The following GUCY1A2 variants were observed in gnomAD, a reference collection of about 807,000 sequenced individuals.
The protein encoded by GUCY1A2 is guanylate cyclase 1 soluble subunit alpha 2, also known as guanylate cyclase soluble subunit alpha-2.
In GUCY1A2, 27 loss-of-function variants were observed where a neutral mutation model predicts 63.5. The observed-to-expected ratio is 0.43, with a 90% CI of 0.31 to 0.59. The LOEUF is 0.59. Among genes scored for constraint, GUCY1A2 ranks in the 20% least tolerant of loss-of-function variants. The pLI is 0.11. For synonymous variants in GUCY1A2, 364 were observed against 343.5 expected, an observed-to-expected ratio of 1.06 and a Z score of -0.66; for missense variants, 768 against 913.3, an observed-to-expected ratio of 0.84 and a Z score of 2.05.
chr11:106,799,291 G>A (rs1231009072), intron 5 of GUCY1A2, among the ~76,000 whole-genome samples: 5 of 152,232 alleles, frequency 3.3e-5, no homozygotes, highest in Admixed American at 6.5e-5. Flanking sequence ...TGGGTAGGAC[G>A]AATCAATGTC....
chr11:106,821,637 T>C (rs537142653), intron 4 of GUCY1A2, among the ~76,000 whole-genome samples: 2 of 152,256 alleles, frequency 1.3e-5, no homozygotes, highest in South Asian at 4.1e-4. Context: ...CAAGGAAATA[T>C]TACAAAAACA....
At chr11:106,955,195 C>T (rs529885646) in intron 3 of GUCY1A2, among the ~76,000 whole-genome samples, 1 of 152,134 alleles carries the variant, frequency 6.6e-6, no homozygotes, top group Non-Finnish European at 1.5e-5. Context: ...TGGTCTTGAA[C>T]TCCCAACCTC....
chr11:106,755,266 G>A (rs1486560661), intron 6 of GUCY1A2, among the ~76,000 whole-genome samples: 1 of 151,890 alleles, frequency 6.6e-6, no homozygotes, highest in Non-Finnish European at 1.5e-5. Flanking sequence ...CTAGCAGTCT[G>A]TCTATTTTGT....
chr11:106,979,119 G>A (rs1394908041), intron 2 of GUCY1A2, among the ~76,000 whole-genome samples: 4 of 152,192 alleles, frequency 2.6e-5, no homozygotes, highest in Non-Finnish European at 5.9e-5. Flanking sequence ...GCATTCAATG[G>A]TGTTGAAAGT....
At chr11:106,826,779 C>G (rs1858976735) in intron 4 of GUCY1A2, 1 of 1,611,130 alleles carries the variant, frequency 6.2e-7, no homozygotes. Flanking sequence ...ACAGCCTCAT[C>G]TGCTGCCAGA....
Position 106,999,690 on chromosome 11 carries a change from T to G in GUCY1A2, c.304-13559A>C, listed in dbSNP as rs542517075. 3.3e-5 allele frequency among the ~76,000 whole-genome samples: 5 copies of G among 152,236 alleles called. No individual in the cohort carries two copies. In the South Asian group the frequency reaches 1.0e-3, roughly 31 times the overall value. On this transcript the variant is annotated intron_variant, in intron 1 of 7. Coordinates refer to ENST00000526355, the MANE Select transcript of GUCY1A2 (RefSeq NM_000855.3). ...CTAGTATATATTCTTTGAAAAAGTA[T>G]GTTTCTTGGGGTAACTTGTAGTACA... is the stretch of plus-strand genomic sequence containing the variant.
At chr11:106,763,338 G>C (rs551152888) in intron 6 of GUCY1A2, among the ~76,000 whole-genome samples, 1 of 151,882 alleles carries the variant, frequency 6.6e-6, no homozygotes, top group South Asian at 2.1e-4. Flanking sequence ...TCCCGAGAGT[G>C]GGGGGCAGTG....
At chr11:106,724,565 G>A (rs188901217) in intron 6 of GUCY1A2, among the ~76,000 whole-genome samples, 40 of 152,200 alleles carry the variant, frequency 2.6e-4, no homozygotes, top group Non-Finnish European at 1.3e-4. Flanking sequence ...GGGTTATCAA[G>A]GCTTTTTATT....
intron 4 of GUCY1A2, among the ~76,000 whole-genome samples, chr11:106,861,376 C>T (rs1859510169): frequency 6.6e-6 from 1 of 151,950 alleles, no homozygotes; most frequent in Non-Finnish European, 1.5e-5. Context: ...GTTGTGTGTA[C>T]TCAATAACAA....
At chr11:106,837,758 A>G (rs904847072) in intron 4 of GUCY1A2, among the ~76,000 whole-genome samples, 16 of 151,996 alleles carry the variant, frequency 1.1e-4, no homozygotes, top group Non-Finnish European at 1.9e-4. Flanking sequence ...GTATACTGAA[A>G]AATTAGTACA....
intron 4 of GUCY1A2, among the ~76,000 whole-genome samples, chr11:106,821,461 A>G (rs1308228485): frequency 6.6e-6 from 1 of 152,132 alleles, no homozygotes; most frequent in Admixed American, 6.6e-5. Context: ...GTTAGCCTGA[A>G]CCCCTGGGGT....
At chr11:106,827,457 T>A in intron 4 of GUCY1A2, 1 of 1,441,060 alleles carries the variant, frequency 6.9e-7, no homozygotes, top group East Asian at 2.3e-5. Flanking sequence ...TTCTTTTAGC[T>A]TTAGTAAGCT....
chr11:107,009,666 G>C (rs975175908), intron 1 of GUCY1A2, among the ~76,000 whole-genome samples: 2 of 152,158 alleles, frequency 1.3e-5, no homozygotes, highest in African/African-American at 2.4e-5. Context: ...CATACAACCA[G>C]TAAGATTATT....
chr11:106,815,734 G>A (rs1858821954), intron 4 of GUCY1A2, among the ~76,000 whole-genome samples: 1 of 151,726 alleles, frequency 6.6e-6, no homozygotes, highest in African/African-American at 2.4e-5. Context: ...CGTCATGAGT[G>A]GCCTCACAAG....
At chr11:106,927,359 C>T (rs549597752) in intron 4 of GUCY1A2, among the ~76,000 whole-genome samples, 5 of 150,564 alleles carry the variant, frequency 3.3e-5, no homozygotes, top group East Asian at 2.0e-4. Flanking sequence ...GGCAACAGAG[C>T]GAGACTCCGT....
At chr11:106,868,029 A>C (rs1219213172) in intron 4 of GUCY1A2, among the ~76,000 whole-genome samples, 2 of 152,052 alleles carry the variant, frequency 1.3e-5, no homozygotes, top group Non-Finnish European at 2.9e-5. Flanking sequence ...GAACAAACTA[A>C]AAGTAAATTC....
intron 4 of GUCY1A2, chr11:106,936,664 A>G: frequency 1.6e-5 from 25 of 1,531,882 alleles, no homozygotes; most frequent in Non-Finnish European, 1.9e-5. Context: ...AGACTGTTGA[A>G]TCCTGCCACT....
intron 4 of GUCY1A2, among the ~76,000 whole-genome samples, chr11:106,814,901 CATA>C (rs1412270425): frequency 3.3e-5 from 5 of 151,862 alleles, no homozygotes; most frequent in African/African-American, 1.2e-4. Context: ...TCATAAGAAT[CATA>C]ATAAGAACCA....
rs1453032311 is a variant in GUCY1A2, at chr11:106,869,722, G to A, written c.1207-59244C>T. 2.6e-5 allele frequency among the ~76,000 whole-genome samples: 4 copies of A among 152,124 alleles called. No homozygotes were observed. In the East Asian group the frequency reaches 7.7e-4, roughly 29 times the overall value. On this transcript the variant is annotated intron_variant, in intron 4 of 7. Coordinates refer to ENST00000526355, the MANE Select transcript of GUCY1A2 (RefSeq NM_000855.3). ...GCGATTCCTCAGGGATCTAGAGCTA[G>A]AAATACCATTTGACCCAGCCATCCC...
Sources: gnomAD v4.1 joint callset for allele counts (sites outside exome capture counted in the v4.1 genomes callset) on GRCh38, gnomAD v4.1.1 for gene constraint, MANE v1.5 for transcripts, NCBI Gene and HGNC (gene_info 2026-07-23, HGNC 2026-07-21) for gene names.